The following EXOC6B variants were observed in gnomAD, a reference collection of about 807,000 sequenced individuals.
EXOC6B encodes SEC15 homolog B.
EXOC6B carries 54 observed loss-of-function variants against 113.5 expected under a neutral mutation model. That is an observed-to-expected ratio of 0.48 (90% CI 0.38 to 0.60). The LOEUF (loss-of-function observed/expected upper bound fraction) is 0.60. Among genes scored for constraint, EXOC6B ranks in the 20% least tolerant of loss-of-function variants. The pLI is 0.00. For missense variants in EXOC6B, 797 were observed against 977.5 expected (o/e 0.82, Z 2.46); for synonymous variants, 357 against 339.0 (o/e 1.05, Z -0.58).
rs538457373 is a variant in EXOC6B at position 72,506,509 on chromosome 2, C to T, written c.1168-6537G>A. 3.3e-5 allele frequency among the ~76,000 whole-genome samples: 5 copies of T among 152,242 alleles called. No homozygotes were observed. The East Asian group carries it at 5.8e-4, about 18-fold the overall frequency. On this transcript the variant is annotated intron_variant, in intron 11 of 21. Coordinates refer to ENST00000272427, the MANE Select transcript of EXOC6B (RefSeq NM_015189.3). ...CGAAAAGGCAGCTTGAGTGTTTAAC[C>T]TATCTATCTACTTATTTCCCTTCGA...
chr2:72,775,004 G>A (rs1405548326), intron 1 of EXOC6B, among the ~76,000 whole-genome samples: 1 of 152,110 alleles, frequency 6.6e-6, no homozygotes, highest in Non-Finnish European at 1.5e-5. Flanking sequence ...TATAACTCAG[G>A]AGAATCCAAA....
intron 19 of EXOC6B, among the ~76,000 whole-genome samples, chr2:72,366,676 C>CA (rs1324248021): frequency 2.6e-5 from 4 of 150,948 alleles, no homozygotes; most frequent in South Asian, 4.2e-4. Context: ...AAGAAAATCT[C>CA]AAAAAAGTAG....
At chr2:72,230,470 T>A (rs975307937) in intron 20 of EXOC6B, among the ~76,000 whole-genome samples, 2 of 152,284 alleles carry the variant, frequency 1.3e-5, no homozygotes, top group Non-Finnish European at 2.9e-5. Context: ...AGGATAAGAA[T>A]TTATTTCACC....
intron 6 of EXOC6B, among the ~76,000 whole-genome samples, chr2:72,631,426 G>GTGTGTGTATATATATATATA (rs1290760055): frequency 3.6e-5 from 1 of 28,164 alleles, no homozygotes; most frequent in African/African-American, 1.2e-4. Flanking sequence ...GTGTGTGTGT[G>GTGTGTGTATATATATATATA]TATATATATA....
intron 19 of EXOC6B, among the ~76,000 whole-genome samples, chr2:72,365,253 A>T (rs1179811247): frequency 3.3e-5 from 5 of 152,162 alleles, no homozygotes; most frequent in Non-Finnish European, 7.4e-5. Context: ...ATTAAAAAAA[A>T]CCCCTAAAAA....
intron 6 of EXOC6B, among the ~76,000 whole-genome samples, chr2:72,625,680 G>A (rs1235539716): frequency 6.6e-6 from 1 of 152,102 alleles, no homozygotes; most frequent in Non-Finnish European, 1.5e-5. Context: ...CTACACTTTT[G>A]TCCAAGATCC....
intron 6 of EXOC6B, among the ~76,000 whole-genome samples, chr2:72,609,376 C>A (rs1415248821): frequency 1.3e-5 from 2 of 151,870 alleles, no homozygotes; most frequent in Admixed American, 1.3e-4. Flanking sequence ...ACCATTTCAG[C>A]AGAGAAATAA....
chr2:72,263,671 C>T (rs967726824), intron 20 of EXOC6B, among the ~76,000 whole-genome samples: 6 of 152,140 alleles, frequency 3.9e-5, no homozygotes, highest in Admixed American at 2.6e-4. Flanking sequence ...AATCCAAAAG[C>T]CCTCATTGTT....
intron 20 of EXOC6B, among the ~76,000 whole-genome samples, chr2:72,233,243 G>A (rs1681743087): frequency 6.6e-6 from 1 of 152,076 alleles, no homozygotes; most frequent in Admixed American, 6.5e-5. Context: ...AGAGGCCAAG[G>A]TGGTGGACTA....
intron 6 of EXOC6B, among the ~76,000 whole-genome samples, chr2:72,589,037 A>G (rs183469504): frequency 7.2e-5 from 11 of 152,126 alleles, no homozygotes; most frequent in Admixed American, 3.9e-4. Context: ...AACAAAAGGC[A>G]GTGACGCCAA....
At chr2:72,485,116 G>A (rs980620774) in intron 16 of EXOC6B, among the ~76,000 whole-genome samples, 2 of 152,086 alleles carry the variant, frequency 1.3e-5, no homozygotes, top group Admixed American at 1.3e-4. Context: ...TTCTTGTGGA[G>A]GTAATTTCTC....
At chr2:72,735,910 C>A (rs924494713) in intron 2 of EXOC6B, among the ~76,000 whole-genome samples, 1 of 151,224 alleles carries the variant, frequency 6.6e-6, no homozygotes, top group African/African-American at 2.4e-5. Context: ...AAAGGCCAGG[C>A]GCAGTGGCTC....
chr2:72,618,832 C>A (rs2104162232), intron 6 of EXOC6B, among the ~76,000 whole-genome samples: 1 of 152,282 alleles, frequency 6.6e-6, no homozygotes, highest in Admixed American at 6.5e-5. Context: ...TGGAAACTAA[C>A]CCTACTCTCA....
chr2:72,683,755 ATTC>A (rs1342661408), intron 6 of EXOC6B, among the ~76,000 whole-genome samples: 5 of 152,186 alleles, frequency 3.3e-5, no homozygotes, highest in Non-Finnish European at 4.4e-5. Flanking sequence ...GCCAATTACT[ATTC>A]TTCTTTTCCC....
intron 17 of EXOC6B, among the ~76,000 whole-genome samples, chr2:72,473,896 C>T (rs1698560807): frequency 6.6e-6 from 1 of 152,100 alleles, no homozygotes; most frequent in Admixed American, 6.5e-5. Context: ...ATGTCACTCA[C>T]TATTTCCAAG....
rs548455160 is a variant in EXOC6B at position 72,490,739 on chromosome 2, C to T, written c.1665+1579G>A. On this transcript the variant is annotated intron_variant, in intron 16 of 21. Transcript: ENST00000272427. ...TTACACGGTTCTTCCTTGATAACTT[C>T]GTACTTGTTCTTCCTATTATTACCT... Among the ~76,000 whole-genome samples, 25 of 152,246 alleles carry T rather than the reference C, an allele frequency of 1.6e-4. 1 individual carries two copies. The highest frequency in any genetic ancestry group is 4.6e-4 in the African/African-American group (19 of 41,574).
Position 72,283,202 on chromosome 2 carries a change from T to A in EXOC6B, c.2196+51745A>T, listed in dbSNP as rs572700930. 2.0e-5 allele frequency among the ~76,000 whole-genome samples: 3 copies of A among 152,242 alleles called. 1 individual carries two copies. Among genetic ancestry groups the A allele is most frequent in the South Asian group, 4.1e-4 (2 of 4,822 alleles). ...AACGACTAGGAATAATTCCACTATG[T>A]TTTCTAACCACTGTAAAATCAAGCT... On this transcript the variant is annotated intron_variant, in intron 20 of 21. Coordinates refer to ENST00000272427, the MANE Select transcript of EXOC6B (RefSeq NM_015189.3).
Position 72,261,681 on chromosome 2 carries a change from C to T in EXOC6B, c.2196+73266G>A, listed in dbSNP as rs116246662. Among the ~76,000 whole-genome samples, 774 of 152,192 alleles carry T rather than the reference C, an allele frequency of 5.1e-3. 8 individuals are homozygous for T. The highest frequency in any genetic ancestry group is 0.018 in the African/African-American group (729 of 41,528). ...TCCAATCACAGGTCCTAGTTAGCAA[C>T]GCAAAAGTAAGTATATACATATAGT... is the stretch of plus-strand genomic sequence containing the variant. On this transcript the variant is annotated intron_variant, in intron 20 of 21. Coordinates refer to ENST00000272427, the MANE Select transcript of EXOC6B (RefSeq NM_015189.3).
rs1684879661 is a variant in EXOC6B, at chr2:72,277,628, A to T, written c.2196+57319T>A. ...TGCCTCAGCTTCCTGAGTAGTTGGG[A>T]TTACAAGCGCCCACCACCAAACCCA... On this transcript the variant is annotated intron_variant, in intron 20 of 21. Coordinates refer to ENST00000272427, the MANE Select transcript of EXOC6B (RefSeq NM_015189.3). 3.3e-5 allele frequency among the ~76,000 whole-genome samples: 5 copies of T among 151,704 alleles called. No individual in the cohort carries two copies. The South Asian group carries it at 1.0e-3, about 31-fold the overall frequency.
Sources: allele counts gnomAD v4.1 joint callset (sites outside exome capture counted in the v4.1 genomes callset), GRCh38; gene constraint gnomAD v4.1.1; transcripts MANE v1.5; gene names NCBI Gene and HGNC (gene_info 2026-07-23, HGNC 2026-07-21).